MS4A13: variants seen among roughly 807,000 people sequenced by gnomAD.
MS4A13 encodes the protein membrane-spanning 4-domains subfamily A member 13.
Under a neutral mutation model 18.4 loss-of-function variants are expected in MS4A13, and 21 were observed. That is an observed-to-expected ratio of 1.14 (90% CI 0.81 to 1.64). The LOEUF (loss-of-function observed/expected upper bound fraction) is 1.64, where lower values mean the gene tolerates loss of function less well. Among genes scored for constraint, MS4A13 ranks in the 40% most tolerant of loss-of-function variants. The probability of loss-of-function intolerance (pLI) is 0.00; values close to 1 mark genes in which losing one functional copy is unlikely to be tolerated. For synonymous variants in MS4A13, 62 were observed against 57.2 expected (o/e 1.08, Z -0.38); for missense variants, 173 against 176.8 (o/e 0.98, Z 0.12).
downstream of MS4A13, among the ~76,000 whole-genome samples, chr11:60,543,029 G>A (rs1261904913): frequency 6.6e-6 from 1 of 152,118 alleles, no homozygotes; most frequent in South Asian, 2.1e-4. Flanking sequence ...GAATCAAAAG[G>A]CCTCTAATTC....
intron 3 of MS4A13, among the ~76,000 whole-genome samples, chr11:60,522,508 C>CGAACAGATGGAATGA: frequency 6.6e-6 from 1 of 152,088 alleles, no homozygotes; most frequent in Non-Finnish European, 1.5e-5. Context: ...TCCCACACTT[C>CGAACAGATGGAATGA]GAACAGATGG....
chr11:60,523,939 C>T lies in MS4A13; in HGVS notation c.172C>T (p.Pro58Ser), dbSNP rs2086694928. 1 of 1,543,546 alleles carries T rather than the reference C, an allele frequency of 6.5e-7. No homozygotes were observed. Among genetic ancestry groups the T allele is most frequent in the African/African-American group, 1.4e-5 (1 of 73,930 alleles). ...CTTCCTAATAAGAGTAACAAAGTATCCGACTCGATCTGGAGTAAGTTGAAA... is the reference window on the plus strand; with the variant it reads ...CTTCCTAATAAGAGTAACAAAGTATTCGACTCGATCTGGAGTAAGTTGAAA... The part of the protein sequence containing the change: ...GVFLIRVTKY[P>S]TRSGIISTLI... Residue 58 changes from proline to serine, a missense_variant, in exon 4 of 7, where the codon CCG becomes TCG. By Grantham distance (74) the Pro-to-Ser change is moderately conservative. Coordinates refer to ENST00000378186, the MANE Select transcript of MS4A13 (RefSeq NM_001012417.3).
rs1204259754 is a variant in MS4A13, at chr11:60,533,549, G to T, written c.402+4089G>T. Among the ~76,000 whole-genome samples the T allele has an allele frequency of 4.9e-5, 6 of 122,570 alleles. 1 individual carries two copies. In the Admixed American group the frequency reaches 5.6e-4, roughly 11 times the overall value. 80.4% of individuals were successfully genotyped at this position (122,570 alleles called of 152,430 possible). A position where few individuals can be genotyped will look rare whatever the true frequency, so the allele number is the denominator to read the frequency against. On this transcript the variant is annotated intron_variant, in intron 6 of 6. Coordinates refer to ENST00000378186, the MANE Select transcript of MS4A13 (RefSeq NM_001012417.3). ...AAAAGACCAAATCTACGTCTGATTG[G>T]TGTACCTAAAAGTGATGGGGAGAAT...
At position 60,515,520 on chromosome 11, in the gene MS4A13, G is replaced by C. The variant is rs1237436298; in HGVS notation, c.-216G>C. ...CAGCCGGGATCTTCCTCTTCATCTA[G>C]GCCTGGGCGCTGGCGTGAGAACTCG... On this transcript the variant is annotated 5_prime_UTR_variant, in exon 1 of 7. Coordinates refer to ENST00000378186, the MANE Select transcript of MS4A13 (RefSeq NM_001012417.3). 4 of 152,364 alleles carry C rather than the reference G, an allele frequency of 2.6e-5. No individual in the cohort carries two copies. Among genetic ancestry groups the C allele is most frequent in the Non-Finnish European group, 5.9e-5 (4 of 68,150 alleles). The allele number at this position is 152,364 out of a possible 1,614,324, so 9.4% of individuals were successfully genotyped here. A position where few individuals can be genotyped will look rare whatever the true frequency, so the allele number is the denominator to read the frequency against.
At position 60,529,453 on chromosome 11, in the gene MS4A13, C is replaced by G; in HGVS notation, c.395C>G (p.Ser132Cys). ...IALTHSIYSC[S>C]NLFRRQNDLT... ...CTTACACACTCAATATACAGCTGTT[C>G]CAATTTGGTAAGTGTTTACCCACTC... Residue 132 changes from serine to cysteine, a missense_variant, in exon 6 of 7, where the codon TCC becomes TGC. Transcript: ENST00000378186. The G allele has an allele frequency of 6.3e-7, 1 of 1,587,170 alleles. No homozygotes were observed. Among genetic ancestry groups the G allele is most frequent in the Non-Finnish European group, 8.6e-7 (1 of 1,164,808 alleles).
intron 6 of MS4A13, 29 bp downstream of exon 6, chr11:60,529,489 C>G: frequency 7.5e-7 from 1 of 1,330,808 alleles, no homozygotes. Context: ...TCTGGCAAAT[C>G]AAAAGATGTT....
chr11:60,526,237 G>A (rs1188201468), intron 5 of MS4A13, among the ~76,000 whole-genome samples: 1 of 152,168 alleles, frequency 6.6e-6, no homozygotes, highest in Non-Finnish European at 1.5e-5. Context: ...AAGTGATTAT[G>A]TAAACAAACA....
At chr11:60,531,314 A>G (rs201155390) in intron 6 of MS4A13, among the ~76,000 whole-genome samples, 3 of 152,332 alleles carry the variant, frequency 2.0e-5, no homozygotes, top group Non-Finnish European at 4.4e-5. Flanking sequence ...AACCAACCAG[A>G]AACTCAACAG....
chr11:60,529,732 T>C (rs1369727499), intron 6 of MS4A13, among the ~76,000 whole-genome samples: 1 of 152,194 alleles, frequency 6.6e-6, no homozygotes, highest in African/African-American at 2.4e-5. Context: ...TCCAATTCTA[T>C]ACAAAAAAAG....
At chr11:60,516,705 C>T (rs765860689) in intron 2 of MS4A13, among the ~76,000 whole-genome samples, 1 of 152,020 alleles carries the variant, frequency 6.6e-6, no homozygotes, top group Non-Finnish European at 1.5e-5. Flanking sequence ...CGGGTCTGAC[C>T]TCCTGGAACT....
chr11:60,517,744 C>T (rs2086646549), intron 2 of MS4A13, among the ~76,000 whole-genome samples: 1 of 152,160 alleles, frequency 6.6e-6, no homozygotes, highest in South Asian at 2.1e-4. Context: ...TCTGAAGTAA[C>T]CCCAATATTC....
Position 60,529,471 on chromosome 11 carries a change from A to T in MS4A13, c.402+11A>T. ...AGCTGTTCCAATTTGGTAAGTGTTT[A>T]CCCACTCTCTGGCAAATCAAAAGAT... On this transcript the variant is annotated intron_variant, in intron 6 of 6. Coordinates refer to ENST00000378186, the MANE Select transcript of MS4A13 (RefSeq NM_001012417.3). 1 of 1,505,848 alleles carries T rather than the reference A, an allele frequency of 6.6e-7. No individual in the cohort carries two copies. The highest frequency in any genetic ancestry group is 9.1e-7 in the Non-Finnish European group (1 of 1,102,592). 93.3% of individuals were successfully genotyped at this position (1,505,848 alleles called of 1,614,324 possible).
At chr11:60,518,962 G>T (rs2086656113) in intron 3 of MS4A13, among the ~76,000 whole-genome samples, 1 of 152,164 alleles carries the variant, frequency 6.6e-6, no homozygotes, top group African/African-American at 2.4e-5. Context: ...GAGAGGGTTT[G>T]CTTATTAGTT....
rs770474445 is a variant in MS4A13 at position 60,525,190 on chromosome 11, C to T, written c.187-17C>T. 1.3e-6 allele frequency: 2 copies of T among 1,544,862 alleles called. No homozygotes were observed. ...TTATTCTGAATATAATAAATTTGCCCTCTGTCTCCTTTTCAGATTATAAGT... is the reference window on the plus strand; with the variant it reads ...TTATTCTGAATATAATAAATTTGCCTTCTGTCTCCTTTTCAGATTATAAGT... On this transcript the variant is annotated splice_polypyrimidine_tract_variant and intron_variant, in intron 4 of 6. Transcript: ENST00000378186.
At chr11:60,530,979 G>A (rs1479850472) in intron 6 of MS4A13, among the ~76,000 whole-genome samples, 2 of 152,080 alleles carry the variant, frequency 1.3e-5, no homozygotes, top group Admixed American at 6.6e-5. Context: ...CAAGCCATGT[G>A]GAACTGTAAG....
intron 5 of MS4A13, 128 bp downstream of exon 5, chr11:60,525,454 T>C: frequency 1.8e-6 from 1 of 560,442 alleles, no homozygotes; most frequent in Non-Finnish European, 2.9e-6. Flanking sequence ...TTGTGAGCTC[T>C]TGATTGAAAA....
chr11:60,525,835 C>T (rs2086709839), intron 5 of MS4A13, among the ~76,000 whole-genome samples: 1 of 151,782 alleles, frequency 6.6e-6, no homozygotes, highest in African/African-American at 2.4e-5. Context: ...CATTTAGTTG[C>T]CCAGTAAATG....
At chr11:60,516,414 T>G (rs947377852) in intron 2 of MS4A13, among the ~76,000 whole-genome samples, 2 of 152,166 alleles carry the variant, frequency 1.3e-5, no homozygotes, top group African/African-American at 4.8e-5. Context: ...ACATGTGAAG[T>G]TACAGTTTAG....
chr11:60,528,522 G>C (rs913276784), intron 5 of MS4A13, among the ~76,000 whole-genome samples: 1 of 152,124 alleles, frequency 6.6e-6, no homozygotes, highest in Non-Finnish European at 1.5e-5. Flanking sequence ...GAAGTTATGT[G>C]TCATTGCATT....
Sources: gnomAD v4.1 joint callset for allele counts (sites outside exome capture counted in the v4.1 genomes callset) on GRCh38, gnomAD v4.1.1 for gene constraint, MANE v1.5 for transcripts, NCBI Gene and HGNC (gene_info 2026-07-23, HGNC 2026-07-21) for gene names.